The following SPMIP2 variants were observed in gnomAD, a reference collection of about 807,000 sequenced individuals.
SPMIP2 encodes sperm microtubule inner protein 2, also known as protein SPMIP2.
the SPMIP2 span, among the ~76,000 whole-genome samples, chr4:158,997,965 C>G: frequency 6.6e-6 from 1 of 152,140 alleles, no homozygotes; most frequent in South Asian, 2.1e-4. Flanking sequence ...CCTCCATAAT[C>G]AAACTCTTTG....
At chr4:158,935,362 GA>G in the SPMIP2 span, among the ~76,000 whole-genome samples, 9 of 152,142 alleles carry the variant, frequency 5.9e-5, no homozygotes, top group Admixed American at 1.3e-4. Flanking sequence ...GCAACACTGG[GA>G]CACAATGATT....
chr4:159,009,877 T>C, the SPMIP2 span, among the ~76,000 whole-genome samples: 1 of 152,088 alleles, frequency 6.6e-6, no homozygotes, highest in African/African-American at 2.4e-5. Flanking sequence ...TCCCAGCTAC[T>C]TGGGAGGCTG....
chr4:159,047,681 C>T, the SPMIP2 span, among the ~76,000 whole-genome samples: 1 of 152,162 alleles, frequency 6.6e-6, no homozygotes, highest in South Asian at 2.1e-4. Flanking sequence ...GTATTTCCTG[C>T]GCTGTACCAA....
the SPMIP2 span, among the ~76,000 whole-genome samples, chr4:158,939,953 C>T: frequency 3.3e-5 from 5 of 152,316 alleles, no homozygotes; most frequent in South Asian, 1.0e-3. Flanking sequence ...ATTTCCTATA[C>T]ATTGTCAGTT....
the SPMIP2 span, among the ~76,000 whole-genome samples, chr4:158,979,789 G>GTTTTTTTT: frequency 2.5e-4 from 26 of 104,506 alleles, 1 homozygote; most frequent in African/African-American, 8.7e-4. Flanking sequence ...AGTTGCAAGA[G>GTTTTTTTT]TTTTTTTTTT....
At chr4:159,052,884 C>T in the SPMIP2 span, among the ~76,000 whole-genome samples, 1 of 151,138 alleles carries the variant, frequency 6.6e-6, no homozygotes, top group East Asian at 1.9e-4. Flanking sequence ...GATCTGCCTA[C>T]CTCAGCCACC....
the SPMIP2 span, chr4:158,905,230 T>C: frequency 1.3e-5 from 2 of 152,300 alleles, no homozygotes; most frequent in African/African-American, 2.4e-5. Context: ...AGATGGATTG[T>C]TGGTGCAATA....
the SPMIP2 span, among the ~76,000 whole-genome samples, chr4:159,054,050 T>G: frequency 6.6e-6 from 1 of 152,222 alleles, no homozygotes; most frequent in Non-Finnish European, 1.5e-5. Context: ...CGTCACTCAC[T>G]GCAGTCTCCT....
the SPMIP2 span, among the ~76,000 whole-genome samples, chr4:158,904,118 A>C: frequency 1.8e-4 from 28 of 152,336 alleles, no homozygotes; most frequent in Admixed American, 2.6e-4. Context: ...ATGAGTTTAT[A>C]ATGGAGAATA....
chr4:159,000,788 G>A, the SPMIP2 span, among the ~76,000 whole-genome samples: 3 of 150,408 alleles, frequency 2.0e-5, no homozygotes, highest in African/African-American at 7.3e-5. Flanking sequence ...TGCCTGGCTT[G>A]TCTGGCTCCC....
the SPMIP2 span, among the ~76,000 whole-genome samples, chr4:158,957,939 A>G: frequency 6.6e-6 from 1 of 152,234 alleles, no homozygotes; most frequent in African/African-American, 2.4e-5. Context: ...TGCCATAAGC[A>G]TGAATTATAT....
chr4:158,951,053 C>T, the SPMIP2 span, among the ~76,000 whole-genome samples: 1 of 152,204 alleles, frequency 6.6e-6, no homozygotes, highest in Admixed American at 6.5e-5. Flanking sequence ...CCCATTCTAC[C>T]GTATCCTGTC....
the SPMIP2 span, chr4:158,904,375 A>G: frequency 5.1e-6 from 6 of 1,173,428 alleles, no homozygotes; most frequent in Non-Finnish European, 7.5e-6. Context: ...CTTAGTACCT[A>G]GAAATAATAC....
At chr4:158,927,657 G>A in the SPMIP2 span, among the ~76,000 whole-genome samples, 1 of 152,242 alleles carries the variant, frequency 6.6e-6, no homozygotes, top group African/African-American at 2.4e-5. Flanking sequence ...TTCTGGGCTG[G>A]CCAAGGCCAG....
the SPMIP2 span, among the ~76,000 whole-genome samples, chr4:158,976,940 A>G: frequency 1.3e-5 from 2 of 152,074 alleles, no homozygotes; most frequent in East Asian, 3.8e-4. Flanking sequence ...GATTACAGGC[A>G]TGAGCCACCG....
At chr4:159,050,222 T>C in the SPMIP2 span, among the ~76,000 whole-genome samples, 1 of 150,978 alleles carries the variant, frequency 6.6e-6, no homozygotes, top group South Asian at 2.1e-4. Flanking sequence ...TTTTTTTTTT[T>C]TGAAATGTGC....
the SPMIP2 span, among the ~76,000 whole-genome samples, chr4:158,943,385 ACAAACAC>A: frequency 6.6e-6 from 1 of 152,220 alleles, no homozygotes; most frequent in Non-Finnish European, 1.5e-5. Flanking sequence ...CCTTGCTGAT[ACAAACAC>A]CTGGCCTCTA....
the SPMIP2 span, among the ~76,000 whole-genome samples, chr4:159,062,850 G>T: frequency 6.6e-6 from 1 of 151,148 alleles, no homozygotes; most frequent in Admixed American, 6.6e-5. Flanking sequence ...CACCAGGCCT[G>T]GCTAATTTTT....
the SPMIP2 span, chr4:158,904,630 A>C: frequency 3.4e-6 from 4 of 1,177,808 alleles, no homozygotes; most frequent in Non-Finnish European, 5.0e-6. Flanking sequence ...TGTGATGTCA[A>C]AAGCATGAGA....
Sources: allele counts gnomAD v4.1 joint callset (sites outside exome capture counted in the v4.1 genomes callset), GRCh38; gene constraint gnomAD v4.1.1; transcripts MANE v1.5; gene names NCBI Gene and HGNC (gene_info 2026-07-23, HGNC 2026-07-21).